The following BDKRB1 variants were observed in gnomAD, a reference collection of about 807,000 sequenced individuals.
BDKRB1 encodes B1 bradykinin receptor.
For missense variants in BDKRB1, 414 were observed against 441.4 expected (o/e 0.94, Z 0.56); for synonymous variants, 192 against 189.1 (o/e 1.02, Z -0.13).
Position 96,264,104 on chromosome 14 carries a change from A to G in BDKRB1, c.422A>G (p.His141Arg), listed in dbSNP as rs752557612. The G allele has an allele frequency of 1.4e-5, 22 of 1,599,850 alleles. No individual in the cohort carries two copies. The highest frequency in any genetic ancestry group is 1.7e-5 in the Admixed American group (1 of 59,136). ...ISQDRYRVLV[H>R]PMASRRQQRR... is the part of the protein sequence containing the mutation. Reference sequence around the variant, plus strand: ...CAGGACCGCTACCGCGTGCTGGTGCACCCTATGGCCAGCCGGAGGCAGCAG... The same window carrying G: ...CAGGACCGCTACCGCGTGCTGGTGCGCCCTATGGCCAGCCGGAGGCAGCAG... Residue 141 changes from histidine to arginine, a missense_variant, in exon 3 of 3, where the codon CAC (histidine) becomes CGC (arginine). Physicochemically the swap from His to Arg is conservative, Grantham distance 29 (BLOSUM62 0). Transcript: ENST00000216629.
At chr14:96,256,417 C>T (rs1375713387) in intron 1 of BDKRB1, 117 bp downstream of exon 1, 15 of 152,082 alleles carry the variant, frequency 9.9e-5, no homozygotes. Context: ...CAAAATTTTC[C>T]ACTTCTGTGA....
chr14:96,257,681 A>G (rs1397711064), intron 1 of BDKRB1, among the ~76,000 whole-genome samples: 1 of 152,110 alleles, frequency 6.6e-6, no homozygotes, highest in Admixed American at 6.5e-5. Flanking sequence ...GGGGAATTCT[A>G]CAGATTCCCA....
rs774007342 is a variant in BDKRB1 at position 96,263,878 on chromosome 14, C to T, written c.196C>T (p.Arg66Trp). Residue 66 changes from arginine (R) to tryptophan (W), a missense_variant, in exon 3 of 3, where the codon CGG becomes TGG. By Grantham distance (101) the Arg-to-Trp change is moderately radical (BLOSUM62 -3). Coordinates refer to ENST00000216629, the MANE Select transcript of BDKRB1 (RefSeq NM_000710.4). ...TGTCCTGTTGGTCTTCCTCCTGCCC[C>T]GGCGGCAACTGAACGTGGCAGAAAT... is the stretch of plus-strand genomic sequence containing the variant. ...LFVLLVFLLPRRQLNVAEIYL... is the reference protein window; with the variant it reads ...LFVLLVFLLPWRQLNVAEIYL... 1.4e-5 allele frequency: 23 copies of T among 1,614,106 alleles called. No individual in the cohort carries two copies. The highest frequency in any genetic ancestry group is 1.6e-4 in the Middle Eastern group (1 of 6,084).
chr14:96,264,530 G>A lies in BDKRB1; in HGVS notation c.848G>A (p.Gly283Asp), dbSNP rs1476803610. Residue 283 changes from glycine to aspartate, a missense_variant, in exon 3 of 3, where the codon GGC becomes GAC. Transcript: ENST00000216629. ...TTATTCCAGGTGCAAGCAGTCCGAG[G>A]CTGCTTTTGGGAGGACTTCATTGAC... The part of the protein sequence containing the change: ...EFLFQVQAVR[G>D]CFWEDFIDLG... 6.2e-7 allele frequency: 1 copy of A among 1,614,048 alleles called. No homozygotes were observed. Among genetic ancestry groups the A allele is most frequent in the Non-Finnish European group, 8.5e-7 (1 of 1,180,050 alleles).
At position 96,263,830 on chromosome 14, in the gene BDKRB1, T is replaced by C. The variant is rs1481571182; in HGVS notation, c.148T>C (p.Phe50Leu). The C allele has an allele frequency of 1.9e-6, 3 of 1,614,036 alleles. No homozygotes were observed. The highest frequency in any genetic ancestry group is 2.5e-6 in the Non-Finnish European group (3 of 1,179,938). The change falls in exon 3 of 3, where the codon TTC becomes CTC. Residue 50 changes from phenylalanine to leucine, a missense_variant. By Grantham distance (22) the Phe-to-Leu change is conservative. Transcript: ENST00000216629. ...LPTFIISICFFGLLGNLFVLL... is the reference protein window; with the variant it reads ...LPTFIISICFLGLLGNLFVLL... ...AACATTTATCATCTCCATCTGTTTC[T>C]TCGGCCTCCTAGGGAACCTTTTTGT...
intron 1 of BDKRB1, among the ~76,000 whole-genome samples, chr14:96,261,056 C>A (rs1165019616): frequency 6.6e-6 from 1 of 152,100 alleles, no homozygotes; most frequent in African/African-American, 2.4e-5. Context: ...TCATACTTCC[C>A]AGTGTTCAGT....
chr14:96,264,309 G>A lies in BDKRB1; in HGVS notation c.627G>A (p.Leu209=), dbSNP rs979445300. The change falls in exon 3 of 3, where the codon CTG becomes CTA. Residue 209 remains leucine, a synonymous_variant. Coordinates refer to ENST00000216629, the MANE Select transcript of BDKRB1 (RefSeq NM_000710.4). ...CAAGGATTGTGGAGTTAAATATTCT[G>A]GGTTTCCTCCTACCACTGGCTGCGA... The part of the protein sequence containing the change: ...HFARIVELNI[L]GFLLPLAAIV... 2.6e-5 allele frequency: 42 copies of A among 1,614,072 alleles called. No homozygotes were observed. The highest frequency in any genetic ancestry group is 3.3e-5 in the Non-Finnish European group (39 of 1,180,048).
chr14:96,261,796 G>T (rs116657380), intron 1 of BDKRB1, among the ~76,000 whole-genome samples: 1 of 152,212 alleles, frequency 6.6e-6, no homozygotes, highest in Non-Finnish European at 1.5e-5. Context: ...CATAAATCCC[G>T]CAGTGTAGGC....
intron 1 of BDKRB1, among the ~76,000 whole-genome samples, chr14:96,258,204 T>C (rs1885663117): frequency 6.6e-6 from 1 of 152,202 alleles, no homozygotes; most frequent in Non-Finnish European, 1.5e-5. Flanking sequence ...AGCAAAATAA[T>C]TGTTCTTGTT....
intron 1 of BDKRB1, among the ~76,000 whole-genome samples, chr14:96,260,498 T>G (rs1251599018): frequency 1.3e-5 from 2 of 152,206 alleles, no homozygotes; most frequent in Non-Finnish European, 2.9e-5. Context: ...GTACTTAAAT[T>G]TCCATTAAAT....
At chr14:96,262,006 T>C (rs1259669064) in intron 1 of BDKRB1, among the ~76,000 whole-genome samples, 1 of 152,202 alleles carries the variant, frequency 6.6e-6, no homozygotes, top group East Asian at 1.9e-4. Flanking sequence ...CATGGGAGCA[T>C]GGGAGGCAGG....
At chr14:96,263,425 G>C (rs1885803570) in intron 2 of BDKRB1, among the ~76,000 whole-genome samples, 1 of 152,154 alleles carries the variant, frequency 6.6e-6, no homozygotes, top group Non-Finnish European at 1.5e-5. Context: ...CCTTAAACCA[G>C]AGGTCAGCAA....
intron 2 of BDKRB1, 93 bp from the exon 3 acceptor site, chr14:96,263,580 A>T: frequency 7.3e-7 from 1 of 1,368,900 alleles, no homozygotes; most frequent in South Asian, 1.5e-5. Context: ...GTGCCAATAA[A>T]ACTTTATTGT....
At chr14:96,260,274 G>A (rs796161688) in intron 1 of BDKRB1, among the ~76,000 whole-genome samples, 6 of 152,132 alleles carry the variant, frequency 3.9e-5, no homozygotes, top group South Asian at 2.1e-4. Flanking sequence ...CACCTGCCTC[G>A]GCCTCCCAAA....
At chr14:96,257,977 T>G (rs903934583) in intron 1 of BDKRB1, among the ~76,000 whole-genome samples, 185 of 101,482 alleles carry the variant, frequency 1.8e-3, no homozygotes, top group African/African-American at 2.9e-3. Flanking sequence ...GGAAGGAGGG[T>G]AGGGAGGGAA....
rs1244937182 is a variant in BDKRB1 at position 96,263,682 on chromosome 14, C to T, written c.-1C>T. 1 of 1,611,294 alleles carries T rather than the reference C, an allele frequency of 6.2e-7. No individual in the cohort carries two copies. The highest frequency in any genetic ancestry group is 8.5e-7 in the Non-Finnish European group (1 of 1,178,782). On this transcript the variant is annotated 5_prime_UTR_variant, in exon 3 of 3. Coordinates refer to ENST00000216629, the MANE Select transcript of BDKRB1 (RefSeq NM_000710.4). ...CTTCTGTTCATTTCAGGTCACTGTG[C>T]ATGGCATCATCCTGGCCCCCTCTAG...
At position 96,263,845 on chromosome 14, in the gene BDKRB1, A is replaced by C. The variant is rs201572929; in HGVS notation, c.163A>C (p.Asn55His). ...ISICFFGLLG[N>H]LFVLLVFLLP... Reference sequence around the variant, plus strand: ...CATCTGTTTCTTCGGCCTCCTAGGGAACCTTTTTGTCCTGTTGGTCTTCCT... The same window carrying C: ...CATCTGTTTCTTCGGCCTCCTAGGGCACCTTTTTGTCCTGTTGGTCTTCCT... Residue 55 changes from asparagine to histidine, a missense_variant, in exon 3 of 3, where the codon AAC (asparagine) becomes CAC (histidine). Asn to His is a moderately conservative substitution (Grantham distance 68). Coordinates refer to ENST00000216629, the MANE Select transcript of BDKRB1 (RefSeq NM_000710.4). 7 of 1,614,062 alleles carry C rather than the reference A, an allele frequency of 4.3e-6. No individual in the cohort carries two copies. In the Admixed American group the frequency reaches 8.3e-5, roughly 19 times the overall value.
intron 2 of BDKRB1, among the ~76,000 whole-genome samples, chr14:96,263,091 T>G (rs1262959312): frequency 1.3e-5 from 2 of 152,108 alleles, no homozygotes; most frequent in African/African-American, 4.8e-5. Flanking sequence ...TGCAGCCCCA[T>G]GAGGCTGGGG....
intron 1 of BDKRB1, chr14:96,259,851 C>G (rs1166052144): frequency 6.6e-6 from 1 of 152,144 alleles, no homozygotes; most frequent in Non-Finnish European, 1.5e-5. Flanking sequence ...AGCCAACACA[C>G]AGTCAGCCAT....
Sources: gnomAD v4.1 joint callset for allele counts (sites outside exome capture counted in the v4.1 genomes callset) on GRCh38, gnomAD v4.1.1 for gene constraint, MANE v1.5 for transcripts, NCBI Gene and HGNC (gene_info 2026-07-23, HGNC 2026-07-21) for gene names.